SH2D4A: variants seen among roughly 807,000 people sequenced by gnomAD.
The protein encoded by SH2D4A is SH2 domain containing 4A, also known as SH2 domain-containing protein 4A.
Under a neutral mutation model 64.7 loss-of-function variants are expected in SH2D4A, and 70 were observed. The ratio of observed to expected loss-of-function variants is 1.08; its 90% CI spans 0.89 to 1.32. The LOEUF is 1.32. SH2D4A is among the 40% of genes most tolerant of loss of function. The probability of loss-of-function intolerance (pLI) is 0.00; values close to 1 mark genes in which losing one functional copy is unlikely to be tolerated. For missense variants in SH2D4A, 706 were observed against 540.1 expected (o/e 1.31, Z -3.04); for synonymous variants, 268 against 200.7 (o/e 1.34, Z -2.83).
intron 1 of SH2D4A, chr8:19,314,129 A>T: frequency 1.8e-6 from 2 of 1,111,320 alleles, no homozygotes; most frequent in Non-Finnish European, 2.2e-6. Context: ...TGGCGGGGGA[A>T]CTTCGAGGGA....
chr8:19,339,991 T>C (rs759202041), intron 4 of SH2D4A, among the ~76,000 whole-genome samples: 54 of 152,132 alleles, frequency 3.5e-4, no homozygotes, highest in Non-Finnish European at 4.6e-4. Context: ...ACATAACATA[T>C]AATTTCAAAC....
chr8:19,357,135 T>G, intron 4 of SH2D4A, 68 bp from the exon 5 acceptor site: 5 of 1,275,822 alleles, frequency 3.9e-6, no homozygotes, highest in Non-Finnish European at 5.7e-6. Context: ...AGGGAAACAT[T>G]GACAGATTAT....
intron 8 of SH2D4A, among the ~76,000 whole-genome samples, chr8:19,385,260 A>C (rs945009967): frequency 6.7e-6 from 1 of 150,048 alleles, no homozygotes; most frequent in African/African-American, 2.5e-5. Flanking sequence ...CCCAGGCTAG[A>C]GTGCAGTGAT....
intron 4 of SH2D4A, among the ~76,000 whole-genome samples, chr8:19,339,596 C>T (rs1174115549): frequency 6.7e-6 from 1 of 149,362 alleles, no homozygotes; most frequent in Non-Finnish European, 1.5e-5. Flanking sequence ...AACTCCTGGG[C>T]TCAAGCAATA....
chr8:19,367,395 C>G (rs1016184444), intron 7 of SH2D4A, among the ~76,000 whole-genome samples: 4 of 152,284 alleles, frequency 2.6e-5, no homozygotes, highest in Non-Finnish European at 4.4e-5. Flanking sequence ...TCTCTAGATT[C>G]TCACCAGCAT....
At chr8:19,355,175 A>T (rs971022199) in intron 4 of SH2D4A, among the ~76,000 whole-genome samples, 9 of 152,202 alleles carry the variant, frequency 5.9e-5, no homozygotes, top group African/African-American at 2.2e-4. Flanking sequence ...AAGAAGGGTT[A>T]CCTGCCTCCT....
intron 2 of SH2D4A, among the ~76,000 whole-genome samples, chr8:19,322,276 G>T (rs2052204033): frequency 6.6e-6 from 1 of 152,034 alleles, no homozygotes; most frequent in South Asian, 2.1e-4. Flanking sequence ...CTAAGCCCAT[G>T]ACCCTTGTGG....
intron 5 of SH2D4A, 51 bp from the exon 6 acceptor site, chr8:19,361,152 C>G: frequency 9.0e-7 from 1 of 1,116,210 alleles, no homozygotes; most frequent in Non-Finnish European, 1.3e-6. Flanking sequence ...CACCAAGGTT[C>G]TTTTTTTGTT....
At chr8:19,342,239 A>G (rs937257526) in intron 4 of SH2D4A, among the ~76,000 whole-genome samples, 1 of 152,210 alleles carries the variant, frequency 6.6e-6, no homozygotes, top group African/African-American at 2.4e-5. Flanking sequence ...CTCTGCTGTG[A>G]TTATCTCATG....
At chr8:19,386,336 T>C (rs2053391004) in intron 8 of SH2D4A, among the ~76,000 whole-genome samples, 1 of 152,250 alleles carries the variant, frequency 6.6e-6, no homozygotes, top group South Asian at 2.1e-4. Context: ...GAACATTCTA[T>C]GTAATGCTGG....
At chr8:19,333,783 G>A (rs527517954) in intron 3 of SH2D4A, among the ~76,000 whole-genome samples, 6 of 152,274 alleles carry the variant, frequency 3.9e-5, no homozygotes, top group African/African-American at 1.4e-4. Context: ...ATCCACAGAC[G>A]AGGTGAAATC....
At chr8:19,327,495 A>C (rs1483588231) in intron 2 of SH2D4A, among the ~76,000 whole-genome samples, 1 of 152,080 alleles carries the variant, frequency 6.6e-6, no homozygotes, top group African/African-American at 2.4e-5. Flanking sequence ...GTGTATCTCC[A>C]TTTTCAACTT....
At position 19,357,204 on chromosome 8, in the gene SH2D4A, C is replaced by G; in HGVS notation, c.515C>G (p.Ser172Ter). ...AAATGTGTTTCGTTTAATTTTTAGTCACTCTCCAGTTCTTCAAGAAATATT... is the reference window on the plus strand; with the variant it reads ...AAATGTGTTTCGTTTAATTTTTAGTGACTCTCCAGTTCTTCAAGAAATATT... ...APTLEEEKIR[S>*]LSSSSRNIQQ... The change falls in exon 5 of 10, where the codon TCA (serine) becomes TGA (stop). Residue 172 changes from serine (S) to a stop codon, truncating the protein, a stop_gained and splice_region_variant. Transcript: ENST00000265807. LOFTEE classifies it high-confidence loss of function. 1.2e-6 allele frequency: 2 copies of G among 1,611,838 alleles called. No individual in the cohort carries two copies. The highest frequency in any genetic ancestry group is 1.7e-6 in the Non-Finnish European group (2 of 1,177,952).
At chr8:19,343,308 C>T (rs1253062440) in intron 4 of SH2D4A, among the ~76,000 whole-genome samples, 1 of 152,206 alleles carries the variant, frequency 6.6e-6, no homozygotes, top group Admixed American at 6.5e-5. Context: ...TGGTGCACAC[C>T]TGTAGTTCCA....
chr8:19,343,729 C>T (rs955380221), intron 4 of SH2D4A, among the ~76,000 whole-genome samples: 1 of 152,164 alleles, frequency 6.6e-6, no homozygotes, highest in African/African-American at 2.4e-5. Flanking sequence ...AAGGTTTAAT[C>T]TGTGTAATGA....
At chr8:19,319,816 C>T in intron 2 of SH2D4A, 88 bp downstream of exon 2, 1 of 1,366,224 alleles carries the variant, frequency 7.3e-7, no homozygotes, top group Non-Finnish European at 9.7e-7. Context: ...ACAAGCAAAG[C>T]AGGTGCAAGT....
intron 4 of SH2D4A, 63 bp downstream of exon 4, chr8:19,334,920 C>T (rs987225307): frequency 3.3e-6 from 5 of 1,513,410 alleles, no homozygotes; most frequent in Non-Finnish European, 3.5e-6. Flanking sequence ...GCTATTGAGG[C>T]CACAGAGACT....
chr8:19,331,146 AG>A (rs1358691725), intron 2 of SH2D4A, among the ~76,000 whole-genome samples: 1 of 152,208 alleles, frequency 6.6e-6, no homozygotes, highest in African/African-American at 2.4e-5. Flanking sequence ...AAGGGTAGAA[AG>A]GGTCAAAAGA....
intron 1 of SH2D4A, 41 bp downstream of exon 1, chr8:19,313,864 C>A: frequency 7.0e-7 from 1 of 1,435,488 alleles, no homozygotes; most frequent in Admixed American, 2.7e-5. Context: ...GGAGAGTGTG[C>A]GTGGGGTGGG....
Sources: allele counts gnomAD v4.1 joint callset (sites outside exome capture counted in the v4.1 genomes callset), GRCh38; gene constraint gnomAD v4.1.1; transcripts MANE v1.5; gene names NCBI Gene and HGNC (gene_info 2026-07-23, HGNC 2026-07-21).